TIGD7: variants seen among roughly 807,000 people sequenced by gnomAD.
TIGD7 encodes tigger transposable element derived 7.
A neutral mutation model predicts 24.8 loss-of-function variants in TIGD7; 26 were observed. The ratio of observed to expected loss-of-function variants is 1.05; its 90% CI spans 0.77 to 1.45. TIGD7 has a LOEUF of 1.45. Ranked by LOEUF, TIGD7 falls within the 40% of genes most tolerant of loss-of-function variation. The pLI is 0.00. For synonymous variants in TIGD7, 221 were observed against 224.1 expected (o/e 0.99, Z 0.12); for missense variants, 679 against 641.6 (o/e 1.06, Z -0.63).
At position 3,299,394 on chromosome 16, in the gene TIGD7, T is replaced by C; in HGVS notation, c.1221A>G (p.Glu407=). 1 of 1,554,770 alleles carries C rather than the reference T, an allele frequency of 6.4e-7. No individual in the cohort carries two copies. The highest frequency in any genetic ancestry group is 2.3e-5 in the East Asian group (1 of 43,134). ...NAWENLLYKK[E]PEYDFQGLEH... is the part of the protein sequence containing the mutation. ...CTAAGCCTTGAAAATCATATTCAGG[T>C]TCCTTTTTGTAAAGAAGATTTTCCC... Residue 407 remains glutamate, a synonymous_variant, in exon 2 of 2, where the codon GAA becomes GAG. Coordinates refer to ENST00000396862, the MANE Select transcript of TIGD7 (RefSeq NM_033208.4).
Position 3,299,713 on chromosome 16 carries a change from T to A in TIGD7, c.902A>T (p.His301Leu), listed in dbSNP as rs755377261. ...ALLLLDSCPA[H>L]PSSESLTSED... ...ACTGGTTAGGGATTCAGAGGAAGGA[T>A]GAGCCGGGCAACTGTCCAGAAGTAA... Residue 301 changes from histidine (H) to leucine (L), a missense_variant, in exon 2 of 2, where the codon CAT becomes CTT. Physicochemically the swap from His to Leu is moderately conservative, Grantham distance 99. Transcript: ENST00000396862. The A allele has an allele frequency of 2.0e-6, 3 of 1,536,326 alleles. No homozygotes were observed. Among genetic ancestry groups the A allele is most frequent in the East Asian group, 2.3e-5 (1 of 44,334 alleles).
In TIGD7 at chr16:3,300,702, CAA is replaced by C; in HGVS notation, c.-90_-89del. ...AAAAAAAAAACCCACATTTTTTAAACAAAACTTAGCTGAAAGCCCCAGAAGGC... is the reference window on the plus strand; with the variant it reads ...AAAAAAAAAACCCACATTTTTTAAACAACTTAGCTGAAAGCCCCAGAAGGC... On this transcript the variant is annotated 5_prime_UTR_variant, in exon 2 of 2. Transcript: ENST00000396862. 6.7e-7 allele frequency: 1 copy of C among 1,493,126 alleles called. No individual in the cohort carries two copies. The highest frequency in any genetic ancestry group is 2.3e-5 in the East Asian group (1 of 43,158). The allele number at this position is 1,493,126 out of a possible 1,614,324, so 92.5% of individuals were successfully genotyped here.
intron 1 of TIGD7, among the ~76,000 whole-genome samples, chr16:3,304,106 G>A (rs552386312): frequency 6.0e-4 from 92 of 152,308 alleles, no homozygotes; most frequent in Non-Finnish European, 1.2e-3. Context: ...AAAGTGCTGG[G>A]ATTACAGGCG....
chr16:3,302,669 T>C (rs1290465681), intron 1 of TIGD7, among the ~76,000 whole-genome samples: 1 of 152,156 alleles, frequency 6.6e-6, no homozygotes. Flanking sequence ...TTGGTTTATC[T>C]CTTTCACTTA....
rs1455950937 is a variant in TIGD7 at position 3,301,767 on chromosome 16, A to C, written c.-1153T>G. On this transcript the variant is annotated 5_prime_UTR_variant, in exon 2 of 2. Transcript: ENST00000396862. ...ATTTGAACCAAGACTCAACTTTTCC[A>C]CAGAAGAAATCTAAAAGGTTTCTCT... 1 of 167,042 alleles carries C rather than the reference A, an allele frequency of 6.0e-6. No individual in the cohort carries two copies. Among genetic ancestry groups the C allele is most frequent in the Non-Finnish European group, 1.5e-5 (1 of 68,116 alleles). 10.3% of individuals were successfully genotyped at this position (167,042 alleles called of 1,614,324 possible). A position where few individuals can be genotyped will look rare whatever the true frequency, so the allele number is the denominator to read the frequency against.
rs532173988 is a variant in TIGD7, at chr16:3,302,595, G to T, written c.-1395-586C>A. On this transcript the variant is annotated intron_variant, in intron 1 of 1. Transcript: ENST00000396862. Reference sequence around the variant, plus strand: ...GGAGCCAATGGCAGGCTACGATCAAGCAACTTTCTAAATGAGGCAACTATA... The same window carrying T: ...GGAGCCAATGGCAGGCTACGATCAATCAACTTTCTAAATGAGGCAACTATA... 3.9e-5 allele frequency among the ~76,000 whole-genome samples: 6 copies of T among 152,292 alleles called. No homozygotes were observed. In the East Asian group the frequency reaches 1.2e-3, roughly 29 times the overall value.
At chr16:3,302,294 A>G (rs1458294497) in intron 1 of TIGD7, among the ~76,000 whole-genome samples, 1 of 151,956 alleles carries the variant, frequency 6.6e-6, no homozygotes, top group African/African-American at 2.4e-5. Context: ...CACCCGGCTA[A>G]TTTTTGTATT....
At chr16:3,302,670 C>G (rs1959973333) in intron 1 of TIGD7, among the ~76,000 whole-genome samples, 1 of 152,090 alleles carries the variant, frequency 6.6e-6, no homozygotes, top group Admixed American at 6.5e-5. Flanking sequence ...TGGTTTATCT[C>G]TTTCACTTAT....
rs1388603750 is a variant in TIGD7 at position 3,301,426 on chromosome 16, T to A, written c.-812A>T. ...GCTTTAACTTGAATGTCTCTTGTGT[T>A]TGCCAAGGTAATATGTAAGTATGTA... On this transcript the variant is annotated 5_prime_UTR_variant, in exon 2 of 2. Coordinates refer to ENST00000396862, the MANE Select transcript of TIGD7 (RefSeq NM_033208.4). 6.0e-6 allele frequency: 1 copy of A among 167,118 alleles called. No individual in the cohort carries two copies. The highest frequency in any genetic ancestry group is 1.5e-5 in the Non-Finnish European group (1 of 68,118). 10.4% of individuals were successfully genotyped at this position (167,118 alleles called of 1,614,324 possible). A position where few individuals can be genotyped will look rare whatever the true frequency, so the allele number is the denominator to read the frequency against.
At chr16:3,304,956 A>G (rs1308975988) in intron 1 of TIGD7, 1 of 152,210 alleles carries the variant, frequency 6.6e-6, no homozygotes, top group African/African-American at 2.4e-5. Flanking sequence ...TGTCAAGGAG[A>G]GATAGAAAAA....
chr16:3,303,580 A>G (rs1720288419), intron 1 of TIGD7, among the ~76,000 whole-genome samples: 1 of 152,212 alleles, frequency 6.6e-6, no homozygotes, highest in Non-Finnish European at 1.5e-5. Context: ...GAACCTACTT[A>G]GACACAAATT....
chr16:3,299,334 A>G lies in TIGD7; in HGVS notation c.1281T>C (p.Cys427=). The change falls in exon 2 of 2, where the codon TGT becomes TGC. Residue 427 remains cysteine (C), a synonymous_variant. Coordinates refer to ENST00000396862, the MANE Select transcript of TIGD7 (RefSeq NM_033208.4). ...HGDYREILEK[C]GELETKLDDD... ...CATCCAACTTAGTTTCCAACTCCCC[A>G]CATTTTTCAAGAATTTCTCTATAAT... 4.4e-6 allele frequency: 7 copies of G among 1,592,690 alleles called. No individual in the cohort carries two copies. Among genetic ancestry groups the G allele is most frequent in the Non-Finnish European group, 6.0e-6 (7 of 1,171,500 alleles).
At chr16:3,302,176 G>A (rs1012523994) in intron 1 of TIGD7, among the ~76,000 whole-genome samples, 167 bp from the exon 2 acceptor site, 2 of 151,798 alleles carry the variant, frequency 1.3e-5, no homozygotes, top group Non-Finnish European at 2.9e-5. Context: ...CACCCAGGCT[G>A]GAGTGCGATG....
rs1959907860 is a variant in TIGD7, at chr16:3,300,471, A to T, written c.144T>A (p.Asn48Lys). The change falls in exon 2 of 2, where the codon AAT (asparagine) becomes AAA (lysine). Residue 48 changes from asparagine (N) to lysine (K), a missense_variant. Transcript: ENST00000396862. Reference sequence around the variant, plus strand: ...GTACAAAGTCCAGAATTAACTTCTTATTTTTTTTAATGTCATAAAATGTTG... The same window carrying T: ...GTACAAAGTCCAGAATTAACTTCTTTTTTTTTTTAATGTCATAAAATGTTG... ...SKSTFYDIKK[N>K]KKLILDFVLK... 9 of 1,613,230 alleles carry T rather than the reference A, an allele frequency of 5.6e-6. No individual in the cohort carries two copies. Among genetic ancestry groups the T allele is most frequent in the East Asian group, 2.2e-5 (1 of 44,872 alleles).
At chr16:3,303,297 C>G (rs1959991762) in intron 1 of TIGD7, among the ~76,000 whole-genome samples, 2 of 152,198 alleles carry the variant, frequency 1.3e-5, no homozygotes, top group African/African-American at 2.4e-5. Context: ...ACAATTTGTG[C>G]CTTGCTGCCT....
In TIGD7 at chr16:3,299,111, A is replaced by T. The variant is rs925411763; in HGVS notation, c.1504T>A (p.Phe502Ile). Residue 502 changes from phenylalanine to isoleucine, a missense_variant, in exon 2 of 2, where the codon TTC (phenylalanine) becomes ATC (isoleucine). Physicochemically the swap from Phe to Ile is conservative, Grantham distance 21. Coordinates refer to ENST00000396862, the MANE Select transcript of TIGD7 (RefSeq NM_033208.4). ...DATPEFQRFH[F>I]TLKEMQQEIV... ...TCTTGTTGCATCTCTTTCAGTGTGA[A>T]GTGGAATCTCTGAAACTCAGGTGTG... 6 of 1,458,556 alleles carry T rather than the reference A, an allele frequency of 4.1e-6. No homozygotes were observed. The highest frequency in any genetic ancestry group is 5.4e-6 in the Non-Finnish European group (6 of 1,106,338). 90.4% of individuals were successfully genotyped at this position (1,458,556 alleles called of 1,614,324 possible).
rs771163241 is a variant in TIGD7, at chr16:3,300,361, T to A, written c.254A>T (p.Tyr85Phe). Reference sequence around the variant, plus strand: ...TGAGCGTTTCTGTTGGTACCACATGTAGACCGCATCATCTACATCACCATA... The same window carrying A: ...TGAGCGTTTCTGTTGGTACCACATGAAGACCGCATCATCTACATCACCATA... ...AKYGDVDDAV[Y>F]MWYQQKRSAG... The change falls in exon 2 of 2, where the codon TAC (tyrosine) becomes TTC (phenylalanine). Residue 85 changes from tyrosine to phenylalanine, a missense_variant. Transcript: ENST00000396862. The A allele has an allele frequency of 2.5e-6, 4 of 1,614,252 alleles. No individual in the cohort carries two copies. Among genetic ancestry groups the A allele is most frequent in the Non-Finnish European group, 3.4e-6 (4 of 1,180,038 alleles).
At position 3,300,687 on chromosome 16, in the gene TIGD7, C is replaced by A. The variant is rs1364748902; in HGVS notation, c.-73G>T. The A allele has an allele frequency of 4.0e-6, 6 of 1,507,552 alleles. No individual in the cohort carries two copies. Among genetic ancestry groups the A allele is most frequent in the Non-Finnish European group, 4.4e-6 (5 of 1,132,580 alleles). The allele number at this position is 1,507,552 out of a possible 1,614,324, so 93.4% of individuals were successfully genotyped here. The stretch of plus-strand genomic sequence containing the variant: ...CCTTAATGAATTGGCAAAAAAAAAA[C>A]CCACATTTTTTAAACAAAACTTAGC... On this transcript the variant is annotated 5_prime_UTR_variant, in exon 2 of 2. Transcript: ENST00000396862.
At position 3,301,372 on chromosome 16, in the gene TIGD7, G is replaced by A. The variant is rs1208540087; in HGVS notation, c.-758C>T. ...ATATGAATGAAATCCAACTTTTATT[G>A]CATTCAATATAGTATTGTCAAGCAC... On this transcript the variant is annotated 5_prime_UTR_variant, in exon 2 of 2. An upstream open reading frame in the 5' UTR gains an earlier in-frame stop. Transcript: ENST00000396862. The A allele has an allele frequency of 6.0e-6, 1 of 167,086 alleles. No homozygotes were observed. Among genetic ancestry groups the A allele is most frequent in the Non-Finnish European group, 1.5e-5 (1 of 68,110 alleles). 10.4% of individuals were successfully genotyped at this position (167,086 alleles called of 1,614,324 possible).
Sources: gnomAD v4.1 joint callset for allele counts (sites outside exome capture counted in the v4.1 genomes callset) on GRCh38, gnomAD v4.1.1 for gene constraint, MANE v1.5 for transcripts, NCBI Gene and HGNC (gene_info 2026-07-23, HGNC 2026-07-21) for gene names.